Variants in COL9A1 observed in about 807,000 individuals in gnomAD.
COL9A1 encodes collagen alpha-1(IX) chain.
In COL9A1, 104 loss-of-function variants were observed where a neutral mutation model predicts 142.6. The observed-to-expected ratio is 0.73, with a 90% confidence interval of 0.62 to 0.86. COL9A1 has a LOEUF of 0.86. COL9A1 is among the 40% of genes least tolerant of loss of function. The pLI is 0.00. For missense variants in COL9A1, 1,210 were observed against 1,176.6 expected (o/e 1.03, Z -0.42); for synonymous variants, 466 against 396.0 (o/e 1.18, Z -2.10).
At chr6:70,292,059 T>C (rs1005789492) in intron 5 of COL9A1, among the ~76,000 whole-genome samples, 1 of 152,218 alleles carries the variant, frequency 6.6e-6, no homozygotes, top group Non-Finnish European at 1.5e-5. Context: ...TAAGTTGGCT[T>C]TCCTTACATA....
chr6:70,294,589 C>T lies in COL9A1; in HGVS notation c.300-26G>A, dbSNP rs749890164. 4 of 1,610,390 alleles carry T rather than the reference C, an allele frequency of 2.5e-6. No individual in the cohort carries two copies. In the South Asian group the frequency reaches 3.3e-5, roughly 13 times the overall value. On this transcript the variant is annotated intron_variant, in intron 4 of 37. Transcript: ENST00000357250. ...CTGAGTAAAATTTTTAAATAGTAAA[C>T]ATGCATCTTGTTTCCTGTACCCATA...
intron 17 of COL9A1, among the ~76,000 whole-genome samples, chr6:70,268,064 C>T (rs541816401): frequency 6.6e-5 from 10 of 152,292 alleles, no homozygotes; most frequent in African/African-American, 1.7e-4. Context: ...CAAGTAATTA[C>T]GGTGGCAGAC....
At chr6:70,285,659 C>T (rs1364634810) in intron 5 of COL9A1, among the ~76,000 whole-genome samples, 4 of 152,156 alleles carry the variant, frequency 2.6e-5, no homozygotes, top group Non-Finnish European at 4.4e-5. Flanking sequence ...AAGATATTCC[C>T]CTCTCCACAC....
intron 5 of COL9A1, among the ~76,000 whole-genome samples, chr6:70,291,636 T>C (rs1332311702): frequency 6.6e-6 from 1 of 152,210 alleles, no homozygotes; most frequent in Non-Finnish European, 1.5e-5. Flanking sequence ...GTTGGATTAA[T>C]GTCTGAAGAC....
intron 10 of COL9A1, among the ~76,000 whole-genome samples, chr6:70,278,293 G>C (rs1245055827): frequency 6.6e-6 from 1 of 152,092 alleles, no homozygotes; most frequent in East Asian, 1.9e-4. Context: ...TTCGCATGAG[G>C]CAGAATTGCC....
chr6:70,291,836 G>A (rs755704124), intron 5 of COL9A1, among the ~76,000 whole-genome samples: 1 of 152,086 alleles, frequency 6.6e-6, no homozygotes, highest in Non-Finnish European at 1.5e-5. Context: ...CAGAAGATAA[G>A]GTAGATTAGA....
intron 1 of COL9A1, 80 bp from the exon 2 acceptor site, chr6:70,302,154 A>G (rs959204228): frequency 2.3e-5 from 20 of 852,670 alleles, no homozygotes; most frequent in Non-Finnish European, 3.7e-5. Context: ...AACCTAGTAA[A>G]CCTAATTAAT....
intron 24 of COL9A1, 171 bp from the exon 25 acceptor site, chr6:70,254,700 G>A: frequency 4.3e-6 from 3 of 690,076 alleles, no homozygotes; most frequent in Non-Finnish European, 7.5e-6. Context: ...TGGGAAATAG[G>A]ACATAATTCA....
chr6:70,283,080 C>T (rs772164646), intron 6 of COL9A1, 162 bp from the exon 7 acceptor site: 36 of 1,569,790 alleles, frequency 2.3e-5, no homozygotes, highest in Admixed American at 3.6e-5. Context: ...AATCCCTTGG[C>T]CCGGCTCTGC....
chr6:70,225,941 C>G lies in COL9A1; in HGVS notation c.2572G>C (p.Gly858Arg). 6.2e-7 allele frequency: 1 copy of G among 1,613,960 alleles called. No individual in the cohort carries two copies. The highest frequency in any genetic ancestry group is 2.2e-5 in the East Asian group (1 of 44,860). Reference protein sequence around the residue: ...RGPNGLPGAIGLPGDPGPASY... With the variant: ...RGPNGLPGAIRLPGDPGPASY... ...TATACAACACACTTACCTGGGAGAC[C>G]TATAGCTCCAGGCAAACCGTTGGGA... Residue 858 changes from glycine to arginine, a missense_variant, in exon 37 of 38, where the codon GGT (glycine) becomes CGT (arginine). Transcript: ENST00000357250.
chr6:70,260,836 CTA>C (rs561603196), intron 19 of COL9A1, 126 bp from the exon 20 acceptor site: 121 of 785,750 alleles, frequency 1.5e-4, no homozygotes, highest in Non-Finnish European at 1.8e-4. Context: ...GAAATAGTAA[CTA>C]TATATATATA....
chr6:70,268,574 T>A (rs1036184610), intron 17 of COL9A1, among the ~76,000 whole-genome samples: 3 of 152,190 alleles, frequency 2.0e-5, no homozygotes, highest in Non-Finnish European at 4.4e-5. Flanking sequence ...CAATGTATTT[T>A]ATTGGTATTT....
intron 20 of COL9A1, among the ~76,000 whole-genome samples, chr6:70,257,667 G>A (rs1412816076): frequency 6.6e-6 from 1 of 151,990 alleles, no homozygotes; most frequent in East Asian, 1.9e-4. Context: ...GAATCACTTG[G>A]GCCCGAGAGG....
chr6:70,278,270 A>T (rs1027891337), intron 10 of COL9A1, among the ~76,000 whole-genome samples: 2 of 152,170 alleles, frequency 1.3e-5, no homozygotes, highest in Non-Finnish European at 1.5e-5. Context: ...ATCTATTAAG[A>T]TCGTCACTTG....
chr6:70,261,849 A>C (rs755374530), intron 19 of COL9A1, among the ~76,000 whole-genome samples: 1 of 152,250 alleles, frequency 6.6e-6, no homozygotes, highest in Admixed American at 6.5e-5. Context: ...ACTTTGAAGA[A>C]CAGAGCTTTT....
At position 70,280,715 on chromosome 6, in the gene COL9A1, CTCTT is replaced by C. The variant is rs1773094878; in HGVS notation, c.975+93_975+96del. 3.2e-5 allele frequency: 46 copies of C among 1,445,404 alleles called. No homozygotes were observed. The South Asian group carries it at 5.4e-4, about 17-fold the overall frequency. The allele number at this position is 1,445,404 out of a possible 1,614,324, so 89.5% of individuals were successfully genotyped here. On this transcript the variant is annotated intron_variant, in intron 10 of 37. Coordinates refer to ENST00000357250, the MANE Select transcript of COL9A1 (RefSeq NM_001851.6). ...TAGAGCCACAGCGCGTTCTCTCTCT[CTCTT>C]TCTCTCTCTCCCTCCCCCCCCACAA...
chr6:70,302,467 C>G (rs1169177585), intron 1 of COL9A1, among the ~76,000 whole-genome samples: 1 of 152,106 alleles, frequency 6.6e-6, no homozygotes, highest in African/African-American at 2.4e-5. Context: ...CTCGGCCTCC[C>G]AAAGTGCTGG....
At chr6:70,249,838 C>G (rs1770824014) in intron 28 of COL9A1, among the ~76,000 whole-genome samples, 1 of 152,176 alleles carries the variant, frequency 6.6e-6, no homozygotes, top group South Asian at 2.1e-4. Context: ...CAGCCCACGG[C>G]ACTTAACTGG....
Position 70,216,922 on chromosome 6 carries a change from G to A in COL9A1, c.2741C>T (p.Ala914Val). The change falls in exon 38 of 38, where the codon GCA (alanine) becomes GTA (valine). Residue 914 changes from alanine to valine, a missense_variant. Ala to Val is a moderately conservative substitution (Grantham distance 64). Coordinates refer to ENST00000357250, the MANE Select transcript of COL9A1 (RefSeq NM_001851.6). The stretch of plus-strand genomic sequence containing the variant: ...TCAAGGGTCAGGCCCTTTGTTAAAT[G>A]CTCGCTGACCAGCCTGCATGGTGCA... ...ASCTMQAGQR[A>V]FNKGPDP 6.2e-7 allele frequency: 1 copy of A among 1,614,088 alleles called. No homozygotes were observed. The highest frequency in any genetic ancestry group is 8.5e-7 in the Non-Finnish European group (1 of 1,180,024).
Sources: gnomAD v4.1 joint callset for allele counts (sites outside exome capture counted in the v4.1 genomes callset) on GRCh38, gnomAD v4.1.1 for gene constraint, MANE v1.5 for transcripts, NCBI Gene and HGNC (gene_info 2026-07-23, HGNC 2026-07-21) for gene names.